Variants in KIAA1671 observed in about 807,000 individuals in gnomAD.
The protein encoded by KIAA1671 is uncharacterized protein KIAA1671.
In KIAA1671, 52 loss-of-function variants were observed where a neutral mutation model predicts 131.2. The observed-to-expected ratio is 0.40, with a 90% CI of 0.32 to 0.50. The LOEUF (loss-of-function observed/expected upper bound fraction) is 0.50, where lower values mean the gene tolerates loss of function less well. Ranked by LOEUF, KIAA1671 falls within the 20% of genes least tolerant of loss-of-function variation. The pLI is 0.73. For synonymous variants in KIAA1671, 1,003 were observed against 961.6 expected, an observed-to-expected ratio of 1.04 and a Z score of -0.80; for missense variants, 2,360 against 2,364.2, an observed-to-expected ratio of 1.00 and a Z score of 0.04.
At chr22:25,073,301 C>A (rs1296470807) in intron 6 of KIAA1671, among the ~76,000 whole-genome samples, 1 of 152,166 alleles carries the variant, frequency 6.6e-6, no homozygotes, top group Non-Finnish European at 1.5e-5. Flanking sequence ...CTCTGGAGCT[C>A]AAGCGATCCT....
intron 6 of KIAA1671, among the ~76,000 whole-genome samples, chr22:25,140,571 G>A (rs5752068): frequency 0.76 from 115,644 of 152,014 alleles, 44,960 homozygotes; most frequent in African/African-American, 0.92. Context: ...AGTAAGTCAT[G>A]GGTTCTGCCT....
intron 6 of KIAA1671, among the ~76,000 whole-genome samples, chr22:25,089,930 G>T (rs530836077): frequency 1.1e-4 from 17 of 152,188 alleles, no homozygotes; most frequent in Non-Finnish European, 1.3e-4. Context: ...GACTGGCAGG[G>T]GTGATGGAGC....
At chr22:25,142,531 A>G (rs962459809) in intron 6 of KIAA1671, among the ~76,000 whole-genome samples, 1 of 152,126 alleles carries the variant, frequency 6.6e-6, no homozygotes, top group South Asian at 2.1e-4. Flanking sequence ...TTTTGGGTCC[A>G]CAGGGGCTGA....
chr22:25,020,099 G>GT (rs1481821515), intron 1 of KIAA1671, among the ~76,000 whole-genome samples: 2 of 152,186 alleles, frequency 1.3e-5, no homozygotes, highest in Admixed American at 6.5e-5. Flanking sequence ...AGAAGTAAGT[G>GT]TTTTGCCCGG....
At chr22:24,973,184 G>A (rs947209101) in intron 1 of KIAA1671, among the ~76,000 whole-genome samples, 2 of 152,144 alleles carry the variant, frequency 1.3e-5, no homozygotes, top group Admixed American at 6.6e-5. Context: ...GGCAGGACTC[G>A]GTTTGGGCTT....
intron 6 of KIAA1671, among the ~76,000 whole-genome samples, chr22:25,133,848 C>T (rs1932557672): frequency 6.6e-6 from 1 of 152,146 alleles, no homozygotes; most frequent in African/African-American, 2.4e-5. Context: ...GCATCCTGCC[C>T]CTCCTTGATT....
At chr22:25,037,775 C>G (rs1260646751) in intron 4 of KIAA1671, among the ~76,000 whole-genome samples, 2 of 152,002 alleles carry the variant, frequency 1.3e-5, no homozygotes, top group Non-Finnish European at 2.9e-5. Context: ...TGACTGGCTT[C>G]TTTTGCTTAG....
intron 1 of KIAA1671, among the ~76,000 whole-genome samples, chr22:24,959,577 C>CAT (rs1921905429): frequency 6.6e-6 from 1 of 151,800 alleles, no homozygotes; most frequent in Non-Finnish European, 1.5e-5. Flanking sequence ...CACACACACA[C>CAT]ACATATATAT....
Position 25,177,473 on chromosome 22 carries a change from A to G in KIAA1671, c.5025A>G (p.Ser1675=). Residue 1675 remains serine, a synonymous_variant, in exon 9 of 13, where the codon TCA becomes TCG. Coordinates refer to ENST00000358431, the MANE Select transcript of KIAA1671 (RefSeq NM_001145206.2). ...RSRFSESESR[S]PLEDETDNTW... ...GATTTAGTGAGTCCGAGAGCAGATCACCTTTGGAGGATGAGACTGACAACA... is the reference window on the plus strand; with the variant it reads ...GATTTAGTGAGTCCGAGAGCAGATCGCCTTTGGAGGATGAGACTGACAACA... 5 of 1,551,700 alleles carry G rather than the reference A, an allele frequency of 3.2e-6. No individual in the cohort carries two copies. The highest frequency in any genetic ancestry group is 4.4e-6 in the Non-Finnish European group (5 of 1,146,986).
chr22:25,179,569 G>C, intron 9 of KIAA1671: 4 of 1,505,934 alleles, frequency 2.7e-6, no homozygotes, highest in South Asian at 1.2e-5. Context: ...GGAAGGGAAC[G>C]GAGCCGCTTC....
In KIAA1671 at chr22:25,028,146, A is replaced by G. The variant is rs1926054294; in HGVS notation, c.147A>G (p.Glu49=). 6.4e-6 allele frequency: 10 copies of G among 1,550,994 alleles called. No homozygotes were observed. The highest frequency in any genetic ancestry group is 8.7e-6 in the Non-Finnish European group (10 of 1,146,726). ...GGGCTCCCCCAGCCCGGATCTTGGA[A>G]GCGAAGAGCCCCCTGCGGAGCCCGG... is the stretch of plus-strand genomic sequence containing the variant. ...ASGAPPARIL[E]AKSPLRSPAR... Residue 49 remains glutamate (E), a synonymous_variant, in exon 3 of 13, where the codon GAA becomes GAG. Coordinates refer to ENST00000358431, the MANE Select transcript of KIAA1671 (RefSeq NM_001145206.2).
At chr22:25,004,881 G>A (rs1163504060) in intron 1 of KIAA1671, among the ~76,000 whole-genome samples, 4 of 151,698 alleles carry the variant, frequency 2.6e-5, no homozygotes, top group African/African-American at 9.7e-5. Flanking sequence ...AGGAGGCGGA[G>A]CTTGCAGTGA....
intron 6 of KIAA1671, among the ~76,000 whole-genome samples, chr22:25,084,076 C>G (rs1404867658): frequency 6.6e-6 from 1 of 152,222 alleles, no homozygotes; most frequent in African/African-American, 2.4e-5. Context: ...GCAGAGTCTC[C>G]CAGCCTAACT....
chr22:25,096,774 C>T (rs1930409742), intron 6 of KIAA1671, among the ~76,000 whole-genome samples: 1 of 152,176 alleles, frequency 6.6e-6, no homozygotes. Context: ...TGGAATCCAC[C>T]CCTCCTTCCA....
chr22:25,172,829 A>G (rs2146017637), intron 7 of KIAA1671, among the ~76,000 whole-genome samples: 1 of 152,342 alleles, frequency 6.6e-6, no homozygotes, highest in South Asian at 2.1e-4. Context: ...CTGGAGTCAG[A>G]CTGCCTGGGC....
chr22:25,065,508 G>C (rs1182916211), intron 6 of KIAA1671, among the ~76,000 whole-genome samples: 1 of 151,822 alleles, frequency 6.6e-6, no homozygotes, highest in East Asian at 1.9e-4. Flanking sequence ...TTTAAATGTT[G>C]GTTAGTAACT....
At chr22:25,084,986 A>G (rs2145869566) in intron 6 of KIAA1671, among the ~76,000 whole-genome samples, 2 of 152,318 alleles carry the variant, frequency 1.3e-5, no homozygotes, top group Middle Eastern at 6.8e-3. Context: ...ACTTCCCTTT[A>G]TGATGGCTGC....
At position 25,121,605 on chromosome 22, in the gene KIAA1671, G is replaced by A. The variant is rs774751374; in HGVS notation, c.4531-49215G>A. Among the ~76,000 whole-genome samples the A allele has an allele frequency of 7.9e-5, 12 of 152,240 alleles. No homozygotes were observed. In the East Asian group the frequency reaches 2.3e-3, roughly 29 times the overall value. On this transcript the variant is annotated intron_variant, in intron 6 of 12. Transcript: ENST00000358431. ...AAAAGCTTTGATTGGTAGCATTTGC[G>A]CAATTTGGTGGTATAAATACTCCCA...
chr22:25,173,486 G>T (rs1441493318), intron 7 of KIAA1671, among the ~76,000 whole-genome samples: 1 of 152,144 alleles, frequency 6.6e-6, no homozygotes, highest in Non-Finnish European at 1.5e-5. Flanking sequence ...ATAGGTAACT[G>T]CTGATAACAA....
Sources: gnomAD v4.1 joint callset for allele counts (sites outside exome capture counted in the v4.1 genomes callset) on GRCh38, gnomAD v4.1.1 for gene constraint, MANE v1.5 for transcripts, NCBI Gene and HGNC (gene_info 2026-07-23, HGNC 2026-07-21) for gene names.